The following LARP1B variants were observed in gnomAD, a reference collection of about 807,000 sequenced individuals.
The protein encoded by LARP1B is La ribonucleoprotein 1B.
A neutral mutation model predicts 114.2 loss-of-function variants in LARP1B; 76 were observed. The ratio of observed to expected loss-of-function variants is 0.67; its 90% CI spans 0.55 to 0.81. The LOEUF (loss-of-function observed/expected upper bound fraction) is 0.81, where lower values mean the gene tolerates loss of function less well. Among genes scored for constraint, LARP1B ranks in the 30% least tolerant of loss-of-function variants. The pLI is 0.00. For synonymous variants in LARP1B, 345 were observed against 348.0 expected, an observed-to-expected ratio of 0.99 and a Z score of 0.10; for missense variants, 1,014 against 1,075.8, an observed-to-expected ratio of 0.94 and a Z score of 0.80.
intron 9 of LARP1B, among the ~76,000 whole-genome samples, chr4:128,110,401 A>G (rs1185346433): frequency 6.6e-6 from 1 of 151,556 alleles, no homozygotes; most frequent in Non-Finnish European, 1.5e-5. Flanking sequence ...TATAGTTTGA[A>G]GTCTTTTCAT....
At chr4:128,144,296 G>A (rs1374977354) in intron 11 of LARP1B, among the ~76,000 whole-genome samples, 2 of 152,102 alleles carry the variant, frequency 1.3e-5, no homozygotes, top group African/African-American at 4.8e-5. Context: ...TTACTATGAT[G>A]TGTCTTGGTT....
At chr4:128,106,948 A>G (rs1782325472) in intron 8 of LARP1B, among the ~76,000 whole-genome samples, 191 bp from the exon 9 acceptor site, 1 of 152,220 alleles carries the variant, frequency 6.6e-6, no homozygotes, top group Non-Finnish European at 1.5e-5. Flanking sequence ...GTGGGAGATC[A>G]GGATATTTGT....
At chr4:128,164,009 AATATATTACGT>A (rs1282781464) in intron 12 of LARP1B, among the ~76,000 whole-genome samples, 1 of 152,076 alleles carries the variant, frequency 6.6e-6, no homozygotes, top group African/African-American at 2.4e-5. Context: ...TAAGGAGAAA[AATATATTACGT>A]ATTCATGTTG....
At chr4:128,130,980 A>G (rs1791384593) in intron 11 of LARP1B, among the ~76,000 whole-genome samples, 2 of 152,256 alleles carry the variant, frequency 1.3e-5, no homozygotes, top group Admixed American at 6.5e-5. Flanking sequence ...TGGAAAGGGC[A>G]AAACTATAGT....
At chr4:128,068,267 C>T (rs1180639598) in intron 1 of LARP1B, among the ~76,000 whole-genome samples, 1 of 151,844 alleles carries the variant, frequency 6.6e-6, no homozygotes, top group Non-Finnish European at 1.5e-5. Context: ...ATTGACCCAC[C>T]TTGGCCTCCC....
chr4:128,066,477 CT>C (rs376383374), intron 1 of LARP1B, among the ~76,000 whole-genome samples: 66,111 of 120,144 alleles, frequency 0.55, 17,615 homozygotes, highest in Middle Eastern at 0.8. Context: ...TGCGCCCGGC[CT>C]TTTTTTTTTT....
intron 8 of LARP1B, among the ~76,000 whole-genome samples, chr4:128,098,759 A>ATATATATG (rs1336332894): frequency 5.8e-5 from 2 of 34,530 alleles, no homozygotes; most frequent in African/African-American, 2.2e-4. Context: ...ATATATATAT[A>ATATATATG]TATATATATT....
intron 8 of LARP1B, among the ~76,000 whole-genome samples, chr4:128,100,318 G>GCTGGAGTGTT (rs1779850659): frequency 6.7e-6 from 1 of 148,578 alleles, no homozygotes. Context: ...TGTCGCCCAT[G>GCTGGAGTGTT]CTGGAGTGTT....
intron 11 of LARP1B, among the ~76,000 whole-genome samples, chr4:128,137,159 C>T (rs1366870338): frequency 1.3e-5 from 2 of 151,910 alleles, no homozygotes; most frequent in African/African-American, 2.4e-5. Context: ...AAAACTCCCC[C>T]GACAGGTTGC....
At chr4:128,097,968 GA>G (rs1778680460) in intron 7 of LARP1B, among the ~76,000 whole-genome samples, 1 of 152,040 alleles carries the variant, frequency 6.6e-6, no homozygotes, top group South Asian at 2.1e-4. Context: ...TAATTTTTTG[GA>G]AAATAATATT....
chr4:128,080,988 T>C (rs1770110979), intron 4 of LARP1B, among the ~76,000 whole-genome samples: 3 of 152,272 alleles, frequency 2.0e-5, no homozygotes, highest in Admixed American at 1.3e-4. Flanking sequence ...ATATATCCCA[T>C]TCTAAAGCCT....
chr4:128,195,486 T>G (rs2056470), intron 15 of LARP1B, among the ~76,000 whole-genome samples: 85,881 of 151,996 alleles, frequency 0.57, 25,560 homozygotes, highest in Middle Eastern at 0.8. Context: ...TATTTAATGA[T>G]AGCTACCACT....
intron 15 of LARP1B, among the ~76,000 whole-genome samples, chr4:128,186,967 C>T (rs1431897353): frequency 6.6e-6 from 1 of 152,196 alleles, no homozygotes; most frequent in African/African-American, 2.4e-5. Flanking sequence ...AGTAAGCCTG[C>T]AGGTGGTGCA....
At chr4:128,070,643 G>A (rs577483169) in intron 1 of LARP1B, among the ~76,000 whole-genome samples, 33 of 152,068 alleles carry the variant, frequency 2.2e-4, no homozygotes, top group African/African-American at 8.0e-4. Flanking sequence ...CCTGGGCAAC[G>A]AGTGAAATTC....
chr4:128,089,769 T>C (rs969755144), intron 5 of LARP1B, among the ~76,000 whole-genome samples: 4 of 151,698 alleles, frequency 2.6e-5, no homozygotes, highest in Admixed American at 2.6e-4. Context: ...ACTGTTTTCG[T>C]TTTTCTTTTT....
At position 128,211,380 on chromosome 4, in the gene LARP1B, A is replaced by G. The variant is rs1758961802; in HGVS notation, c.*1327A>G. On this transcript the variant is annotated 3_prime_UTR_variant, in exon 20 of 20. Transcript: ENST00000326639. Reference sequence around the variant, plus strand: ...ATTGGATATCTTGTTCTTATAAATTATAATATTGAAATACATATAATCTTT... The same window carrying G: ...ATTGGATATCTTGTTCTTATAAATTGTAATATTGAAATACATATAATCTTT... 1.1e-6 allele frequency: 1 copy of G among 929,998 alleles called. No individual in the cohort carries two copies. The highest frequency in any genetic ancestry group is 1.2e-4 in the East Asian group (1 of 8,548). 57.6% of individuals were successfully genotyped at this position (929,998 alleles called of 1,614,324 possible). A position where few individuals can be genotyped will look rare whatever the true frequency, so the allele number is the denominator to read the frequency against.
intron 9 of LARP1B, 90 bp from the exon 10 acceptor site, chr4:128,114,480 T>A: frequency 1.0e-6 from 1 of 953,132 alleles, no homozygotes; most frequent in Non-Finnish European, 1.6e-6. Flanking sequence ...TGAAAAAATA[T>A]CAAGCCCCAG....
At chr4:128,131,899 C>T (rs1239899436) in intron 11 of LARP1B, among the ~76,000 whole-genome samples, 1 of 152,102 alleles carries the variant, frequency 6.6e-6, no homozygotes, top group Non-Finnish European at 1.5e-5. Flanking sequence ...ATAAAGAAGA[C>T]AGATATACTG....
chr4:128,084,679 TTTC>T (rs1772680009), intron 5 of LARP1B, among the ~76,000 whole-genome samples: 1 of 152,070 alleles, frequency 6.6e-6, no homozygotes, highest in South Asian at 2.1e-4. Context: ...ATTCTATCAT[TTTC>T]TTCTTAGCGA....
Sources: allele counts gnomAD v4.1 joint callset (sites outside exome capture counted in the v4.1 genomes callset), GRCh38; gene constraint gnomAD v4.1.1; transcripts MANE v1.5; gene names NCBI Gene and HGNC (gene_info 2026-07-23, HGNC 2026-07-21).